Variants in ASTN2 observed in about 807,000 individuals in gnomAD.
ASTN2 encodes astrotactin-2.
Under a neutral mutation model 139.8 loss-of-function variants are expected in ASTN2, and 54 were observed. The ratio of observed to expected loss-of-function variants is 0.39; its 90% CI spans 0.31 to 0.48. The LOEUF is 0.48. Among genes scored for constraint, ASTN2 ranks in the 20% least tolerant of loss-of-function variants. ASTN2 has a pLI of 0.95. For missense variants in ASTN2, 1,565 were observed against 1,725.1 expected, an observed-to-expected ratio of 0.91 and a Z score of 1.64; for synonymous variants, 756 against 719.5, an observed-to-expected ratio of 1.05 and a Z score of -0.81.
At chr9:116,955,915 C>T (rs755839978) in intron 10 of ASTN2, among the ~76,000 whole-genome samples, 2 of 152,020 alleles carry the variant, frequency 1.3e-5, no homozygotes, top group East Asian at 3.9e-4. Context: ...GAAAACTAAA[C>T]AAGAAACTAC....
chr9:116,820,533 GCTGAGCTGTAGTGT>G, intron 12 of ASTN2, 70 bp downstream of exon 12: 1 of 1,473,000 alleles, frequency 6.8e-7, no homozygotes. Context: ...GTTCAGCCTT[GCTGAGCTGTAGTGT>G]CTGATCATTT....
At chr9:116,433,376 T>C (rs1339485299) in intron 22 of ASTN2, among the ~76,000 whole-genome samples, 1 of 152,234 alleles carries the variant, frequency 6.6e-6, no homozygotes, top group East Asian at 1.9e-4. Flanking sequence ...GAAAGAGCTG[T>C]GGTTGTAGAC....
chr9:116,748,365 A>G (rs187642330), intron 13 of ASTN2, among the ~76,000 whole-genome samples: 62 of 152,068 alleles, frequency 4.1e-4, no homozygotes, highest in African/African-American at 1.4e-3. Context: ...CTCCTGCTCC[A>G]GCTCCAGCCT....
At chr9:117,281,623 G>C (rs1834326771) in intron 2 of ASTN2, among the ~76,000 whole-genome samples, 1 of 152,166 alleles carries the variant, frequency 6.6e-6, no homozygotes, top group African/African-American at 2.4e-5. Flanking sequence ...TCTTGAAGGG[G>C]AGGAAAATGT....
intron 4 of ASTN2, among the ~76,000 whole-genome samples, chr9:117,096,597 C>T (rs890473880): frequency 6.6e-6 from 1 of 152,142 alleles, no homozygotes; most frequent in Non-Finnish European, 1.5e-5. Flanking sequence ...CAATAAAGTG[C>T]AAGACGCTGG....
chr9:116,676,776 T>C (rs1223189150), intron 16 of ASTN2, among the ~76,000 whole-genome samples: 1 of 152,238 alleles, frequency 6.6e-6, no homozygotes, highest in African/African-American at 2.4e-5. Flanking sequence ...CTGGGTTCAA[T>C]TGTTGGCTTC....
intron 19 of ASTN2, among the ~76,000 whole-genome samples, chr9:116,557,951 T>C (rs1320699947): frequency 6.6e-6 from 1 of 152,190 alleles, no homozygotes; most frequent in African/African-American, 2.4e-5. Flanking sequence ...TGAATATACA[T>C]TGTTCGATTT....
intron 22 of ASTN2, among the ~76,000 whole-genome samples, chr9:116,439,299 C>T (rs1742262230): frequency 7.7e-6 from 1 of 130,464 alleles, no homozygotes; most frequent in Admixed American, 7.6e-5. Context: ...CTCCCGGGTT[C>T]ACGCCATTCT....
chr9:117,034,717 C>T (rs1406108783), intron 6 of ASTN2, among the ~76,000 whole-genome samples: 1 of 152,074 alleles, frequency 6.6e-6, no homozygotes, highest in Non-Finnish European at 1.5e-5. Context: ...AACCTAAATG[C>T]AGACGATTTG....
chr9:116,782,653 G>T lies in ASTN2; in HGVS notation c.2396+22979C>A, dbSNP rs567458181. ...CTTGCCACTTTCTGAACACTGACTTGGGTTCCCTTTGGTCTTTATATTTGG... is the reference window on the plus strand; with the variant it reads ...CTTGCCACTTTCTGAACACTGACTTTGGTTCCCTTTGGTCTTTATATTTGG... On this transcript the variant is annotated intron_variant, in intron 13 of 22. Coordinates refer to ENST00000313400, the MANE Select transcript of ASTN2 (RefSeq NM_001365068.1). 8.5e-5 allele frequency among the ~76,000 whole-genome samples: 13 copies of T among 152,258 alleles called. No individual in the cohort carries two copies. In the East Asian group the frequency reaches 2.1e-3, roughly 25 times the overall value.
At chr9:116,756,144 CTCG>C (rs1172712969) in intron 13 of ASTN2, among the ~76,000 whole-genome samples, 3 of 152,124 alleles carry the variant, frequency 2.0e-5, no homozygotes, top group African/African-American at 7.2e-5. Flanking sequence ...CCAGGCCCTC[CTCG>C]TCCACAGCCA....
intron 2 of ASTN2, among the ~76,000 whole-genome samples, chr9:117,225,359 G>A (rs1377598000): frequency 6.6e-6 from 1 of 151,440 alleles, no homozygotes; most frequent in African/African-American, 2.4e-5. Flanking sequence ...CGGGTGAATG[G>A]AGAAGGTAGG....
intron 16 of ASTN2, among the ~76,000 whole-genome samples, chr9:116,719,000 A>ATAT (rs1564230257): frequency 7.0e-6 from 1 of 143,266 alleles, no homozygotes; most frequent in Non-Finnish European, 1.5e-5. Flanking sequence ...ATCTGCCTAT[A>ATAT]AGTCTCTCGC....
At chr9:117,095,696 C>T (rs1337440660) in intron 5 of ASTN2, among the ~76,000 whole-genome samples, 1 of 152,208 alleles carries the variant, frequency 6.6e-6, no homozygotes, top group Admixed American at 6.5e-5. Flanking sequence ...GATTATTCTG[C>T]ATCAACCCAA....
At chr9:117,016,623 T>TAGG (rs1491376132) in intron 6 of ASTN2, among the ~76,000 whole-genome samples, 13 of 4,880 alleles carry the variant, frequency 2.7e-3, no homozygotes, top group African/African-American at 4.6e-3. Context: ...TATCTATCTA[T>TAGG]CTATATATAT....
intron 19 of ASTN2, among the ~76,000 whole-genome samples, chr9:116,601,367 T>C (rs372648740): frequency 1.3e-5 from 2 of 152,234 alleles, no homozygotes; most frequent in African/African-American, 4.8e-5. Flanking sequence ...TACCTATTCA[T>C]CAAATATTTA....
At chr9:117,361,968 GTTTGTTTGT>G (rs71504055) in intron 1 of ASTN2, among the ~76,000 whole-genome samples, 31,576 of 151,908 alleles carry the variant, frequency 0.21, 4,031 homozygotes, top group East Asian at 0.38. Flanking sequence ...GCTTGGTTTT[GTTTGTTTGT>G]TTTGTTTTGC....
intron 3 of ASTN2, among the ~76,000 whole-genome samples, chr9:117,190,401 C>T (rs935230179): frequency 2.6e-5 from 4 of 152,162 alleles, no homozygotes; most frequent in East Asian, 1.9e-4. Flanking sequence ...TTAGTATCCT[C>T]GCTTCTGAGT....
At chr9:117,062,422 CTA>C (rs1364351166) in intron 5 of ASTN2, among the ~76,000 whole-genome samples, 1 of 152,184 alleles carries the variant, frequency 6.6e-6, no homozygotes, top group Non-Finnish European at 1.5e-5. Flanking sequence ...TCAGAATTCC[CTA>C]TGAGACATGT....
Sources: allele counts gnomAD v4.1 joint callset (sites outside exome capture counted in the v4.1 genomes callset), GRCh38; gene constraint gnomAD v4.1.1; transcripts MANE v1.5; gene names NCBI Gene and HGNC (gene_info 2026-07-23, HGNC 2026-07-21).